The following CNKSR2 variants were observed in gnomAD, a reference collection of about 807,000 sequenced individuals.
CNKSR2 encodes CNK homolog protein 2.
Under a neutral mutation model 84.4 loss-of-function variants are expected in CNKSR2, and 14 were observed. The ratio of observed to expected loss-of-function variants is 0.17; its 90% CI spans 0.11 to 0.26. The LOEUF (loss-of-function observed/expected upper bound fraction) is 0.26. CNKSR2 is among the 10% of genes least tolerant of loss of function. The pLI, the probability that CNKSR2 is intolerant of heterozygous loss-of-function variation, is 1.00. For missense variants in CNKSR2, 485 were observed against 771.2 expected (o/e 0.63, Z 4.40); for synonymous variants, 275 against 277.9 (o/e 0.99, Z 0.10).
At chrX:21,551,713 A>T (rs1397791283) in intron 11 of CNKSR2, among the ~76,000 whole-genome samples, 1 of 111,822 alleles carries the variant, frequency 8.9e-6, no homozygotes, top group Non-Finnish European at 1.9e-5. Context: ...GCTACTAAAC[A>T]TCCTGCAGTG....
chrX:21,526,733 G>A, intron 9 of CNKSR2, 134 bp from the exon 10 acceptor site: 1 of 557,728 alleles, frequency 1.8e-6, no homozygotes, highest in Non-Finnish European at 2.8e-6. Flanking sequence ...CTTGATTTCA[G>A]CCAAGTTCAA....
chrX:21,589,380 G>A (rs186386275), intron 13 of CNKSR2, among the ~76,000 whole-genome samples: 1 of 111,938 alleles, frequency 8.9e-6, no homozygotes, highest in Non-Finnish European at 1.9e-5. Context: ...TGAATTTATT[G>A]TGAAAAAAGA....
At chrX:21,563,541 C>T (rs967364079) in intron 13 of CNKSR2, 89 bp downstream of exon 13, 2 of 668,808 alleles carry the variant, frequency 3.0e-6, no homozygotes, top group African/African-American at 2.2e-5. Context: ...TTATTTTTAT[C>T]CTTTTACTAG....
intron 4 of CNKSR2, among the ~76,000 whole-genome samples, chrX:21,456,747 G>C (rs2091000230): frequency 9.0e-6 from 1 of 111,335 alleles, no homozygotes; most frequent in Admixed American, 9.6e-5. Flanking sequence ...GGGATTGCTG[G>C]ATAATATAGT....
At chrX:21,608,396 A>G (rs1382699320) in intron 19 of CNKSR2, among the ~76,000 whole-genome samples, 1 of 111,971 alleles carries the variant, frequency 8.9e-6, no homozygotes, top group African/African-American at 3.2e-5. Flanking sequence ...GTTTTGTGCT[A>G]TAACATATAG....
At chrX:21,500,242 T>C (rs1002330578) in intron 7 of CNKSR2, among the ~76,000 whole-genome samples, 6 of 111,431 alleles carry the variant, frequency 5.4e-5, no homozygotes, top group Admixed American at 1.9e-4. Flanking sequence ...TCTTGAATTA[T>C]AGCCTATGAC....
chrX:21,483,363 C>T (rs1302281723), intron 5 of CNKSR2, among the ~76,000 whole-genome samples: 4 of 109,240 alleles, frequency 3.7e-5, no homozygotes, highest in Non-Finnish European at 5.7e-5. Context: ...GGGAATTGAA[C>T]AATCACTCAT....
intron 13 of CNKSR2, among the ~76,000 whole-genome samples, chrX:21,564,415 G>A (rs1290334477): frequency 1.8e-5 from 2 of 111,537 alleles, no homozygotes; most frequent in Non-Finnish European, 3.8e-5. Flanking sequence ...TGGCCGTGTG[G>A]AAGCTGAGAA....
intron 6 of CNKSR2, 69 bp from the exon 7 acceptor site, chrX:21,497,718 C>T (rs182700450): frequency 1.1e-4 from 63 of 547,857 alleles, no homozygotes; most frequent in African/African-American, 1.1e-3. Flanking sequence ...TTTATATAAA[C>T]GAGGTTACAA....
intron 4 of CNKSR2, among the ~76,000 whole-genome samples, chrX:21,459,938 C>T (rs754565480): frequency 3.6e-5 from 4 of 111,692 alleles, no homozygotes; most frequent in Admixed American, 9.6e-5. Flanking sequence ...AAATTAGACA[C>T]TGTTTTTCCC....
chrX:21,553,321 C>G (rs1156466651), intron 11 of CNKSR2, among the ~76,000 whole-genome samples: 2 of 111,013 alleles, frequency 1.8e-5, no homozygotes, highest in African/African-American at 6.5e-5. Context: ...TGGACTGACT[C>G]TAAGTGTTTA....
intron 1 of CNKSR2, among the ~76,000 whole-genome samples, chrX:21,378,685 C>T (rs780959810): frequency 9.0e-6 from 1 of 110,961 alleles, no homozygotes; most frequent in South Asian, 3.8e-4. Context: ...CTCTGAGACT[C>T]ATTCAAAATA....
chrX:21,590,524 G>C (rs2092413898), intron 13 of CNKSR2, 48 bp from the exon 14 acceptor site: 1 of 1,141,190 alleles, frequency 8.8e-7, no homozygotes, highest in African/African-American at 1.8e-5. Flanking sequence ...TGGTGCTCTG[G>C]ATCACACCCT....
intron 21 of CNKSR2, among the ~76,000 whole-genome samples, chrX:21,650,046 A>G (rs1430504390): frequency 1.8e-5 from 2 of 111,373 alleles, no homozygotes; most frequent in East Asian, 2.8e-4. Flanking sequence ...AACCAGAAAT[A>G]CCATTTGACC....
At chrX:21,621,817 T>A (rs928403316) in intron 20 of CNKSR2, among the ~76,000 whole-genome samples, 2 of 111,311 alleles carry the variant, frequency 1.8e-5, no homozygotes, top group Non-Finnish European at 3.8e-5. Context: ...TTCATTTTTT[T>A]ATTAAATTCA....
rs1431396460 is a variant in CNKSR2, at chrX:21,609,016, GA to G, written c.2146-53del. On this transcript the variant is annotated intron_variant, in intron 19 of 21. Coordinates refer to ENST00000379510, the MANE Select transcript of CNKSR2 (RefSeq NM_014927.5). ...TGGTAGAAACCGAATGTGTTCCTTG[GA>G]ATGGAAGTGGTCTGTTATTTTGGCA... The G allele has an allele frequency of 1.2e-5, 14 of 1,148,068 alleles. No individual in the cohort carries two copies. The East Asian group carries it at 3.9e-4, about 32-fold the overall frequency. The allele number at this position is 1,148,068 out of a possible 1,213,427, so 94.6% of individuals were successfully genotyped here.
chrX:21,619,115 C>T (rs778236014), intron 20 of CNKSR2, among the ~76,000 whole-genome samples: 88 of 112,036 alleles, frequency 7.9e-4, no homozygotes, highest in Non-Finnish European at 1.5e-3. Context: ...CAGATGAGAT[C>T]ACTTAAAGAG....
intron 7 of CNKSR2, among the ~76,000 whole-genome samples, chrX:21,499,157 T>G (rs964280972): frequency 8.9e-6 from 1 of 112,005 alleles, no homozygotes; most frequent in African/African-American, 3.2e-5. Context: ...TAAATGCAGT[T>G]AAGATGCTAC....
intron 9 of CNKSR2, among the ~76,000 whole-genome samples, chrX:21,521,421 A>G (rs1246078943): frequency 1.8e-5 from 2 of 111,003 alleles, no homozygotes; most frequent in Non-Finnish European, 3.8e-5. Flanking sequence ...TTTGAGCCAC[A>G]TGCTTTCAAG....
Sources: allele counts gnomAD v4.1 joint callset (sites outside exome capture counted in the v4.1 genomes callset), GRCh38; gene constraint gnomAD v4.1.1; transcripts MANE v1.5; gene names NCBI Gene and HGNC (gene_info 2026-07-23, HGNC 2026-07-21).